The following SPECC1 variants were observed in gnomAD, a reference collection of about 807,000 sequenced individuals.
SPECC1 encodes the protein sperm antigen with calponin homology and coiled-coil domains 1.
Under a neutral mutation model 104.1 loss-of-function variants are expected in SPECC1, and 62 were observed. That is an observed-to-expected ratio of 0.60 (90% confidence interval 0.49 to 0.74). The LOEUF is 0.74. Among genes scored for constraint, SPECC1 ranks in the 30% least tolerant of loss-of-function variants. The pLI, the probability that SPECC1 is intolerant of heterozygous loss-of-function variation, is 0.00. For missense variants in SPECC1, 1,306 were observed against 1,310.5 expected, an observed-to-expected ratio of 1.00 and a Z score of 0.05; for synonymous variants, 513 against 501.6, an observed-to-expected ratio of 1.02 and a Z score of -0.30.
intron 2 of SPECC1, among the ~76,000 whole-genome samples, chr17:20,098,492 CAG>C (rs1198037553): frequency 2.6e-5 from 4 of 152,320 alleles, no homozygotes; most frequent in Non-Finnish European, 4.4e-5. Flanking sequence ...CCCATTCACT[CAG>C]AGTGAAAAGC....
chr17:20,165,424 A>G (rs1489748584), intron 3 of SPECC1, among the ~76,000 whole-genome samples: 1 of 152,158 alleles, frequency 6.6e-6, no homozygotes, highest in Non-Finnish European at 1.5e-5. Context: ...TCCATGGTGT[A>G]TATGTACCAC....
At chr17:20,136,381 C>T (rs953176530) in intron 3 of SPECC1, among the ~76,000 whole-genome samples, 10 of 150,342 alleles carry the variant, frequency 6.7e-5, no homozygotes, top group South Asian at 2.1e-4. Flanking sequence ...GCCAAGATCA[C>T]GCCACTGCAC....
intron 4 of SPECC1, among the ~76,000 whole-genome samples, chr17:20,207,564 G>A (rs571877981): frequency 1.6e-4 from 25 of 152,240 alleles, no homozygotes; most frequent in Admixed American, 7.2e-4. Flanking sequence ...ATATCAGTGA[G>A]AAATAATTTG....
At chr17:20,139,146 G>C (rs1446505219) in intron 3 of SPECC1, among the ~76,000 whole-genome samples, 1 of 152,198 alleles carries the variant, frequency 6.6e-6, no homozygotes, top group Non-Finnish European at 1.5e-5. Context: ...TGAAGGGGCT[G>C]CTATTAAGGT....
intron 4 of SPECC1, among the ~76,000 whole-genome samples, chr17:20,206,473 T>C (rs750445416): frequency 3.3e-5 from 5 of 152,240 alleles, no homozygotes; most frequent in Non-Finnish European, 5.9e-5. Flanking sequence ...CCTGTACATG[T>C]TATTAACTTT....
At chr17:20,073,241 GGCAAGGT>G (rs1165268658) in intron 1 of SPECC1, among the ~76,000 whole-genome samples, 2 of 152,086 alleles carry the variant, frequency 1.3e-5, no homozygotes, top group African/African-American at 4.8e-5. Context: ...ACAGGGTCAT[GGCAAGGT>G]GGTGGGGCGT....
chr17:20,261,304 C>T (rs2040014684), intron 12 of SPECC1, among the ~76,000 whole-genome samples: 1 of 151,904 alleles, frequency 6.6e-6, no homozygotes, highest in South Asian at 2.1e-4. Context: ...AGATCGAGAC[C>T]ATCCTGGCTA....
At chr17:20,088,258 GAAA>G (rs1380752707) in intron 1 of SPECC1, among the ~76,000 whole-genome samples, 2 of 152,010 alleles carry the variant, frequency 1.3e-5, no homozygotes, top group Non-Finnish European at 2.9e-5. Flanking sequence ...TAATTTTAGT[GAAA>G]AAAAGTCACA....
At chr17:20,201,505 AAGTC>A (rs755082843) in intron 3 of SPECC1, among the ~76,000 whole-genome samples, 25 of 151,992 alleles carry the variant, frequency 1.6e-4, no homozygotes, top group African/African-American at 2.4e-4. Flanking sequence ...AAGAAAGAAA[AAGTC>A]AGCCTTAATT....
intron 3 of SPECC1, among the ~76,000 whole-genome samples, chr17:20,200,588 G>A (rs1190995480): frequency 6.6e-6 from 1 of 152,190 alleles, no homozygotes; most frequent in Non-Finnish European, 1.5e-5. Flanking sequence ...GTGTAAGGAA[G>A]CATGGCCAGT....
intron 1 of SPECC1, among the ~76,000 whole-genome samples, chr17:20,041,319 C>A (rs192520809): frequency 1.3e-5 from 2 of 151,802 alleles, no homozygotes; most frequent in Admixed American, 1.3e-4. Flanking sequence ...CTCGGCTCAC[C>A]GCAACCTCCA....
chr17:20,156,746 CGT>C (rs2032595221), intron 3 of SPECC1, among the ~76,000 whole-genome samples: 1 of 152,184 alleles, frequency 6.6e-6, no homozygotes, highest in Admixed American at 6.5e-5. Flanking sequence ...CTGGTTATCC[CGT>C]TTTTACTTCC....
chr17:20,091,449 A>G (rs1223151808), intron 1 of SPECC1, among the ~76,000 whole-genome samples: 2 of 152,144 alleles, frequency 1.3e-5, no homozygotes, highest in Non-Finnish European at 2.9e-5. Flanking sequence ...CTGACATTGT[A>G]GGCCAGATGC....
intron 12 of SPECC1, among the ~76,000 whole-genome samples, chr17:20,294,161 T>C (rs1156489266): frequency 1.3e-5 from 2 of 152,298 alleles, no homozygotes; most frequent in Middle Eastern, 3.4e-3. Context: ...TTTGTATTTT[T>C]AGTAGAGACG....
At chr17:20,311,993 G>C (rs2041946112) in intron 14 of SPECC1, among the ~76,000 whole-genome samples, 1 of 152,124 alleles carries the variant, frequency 6.6e-6, no homozygotes, top group Non-Finnish European at 1.5e-5. Context: ...TGTGTTCCTG[G>C]GATGAACCTC....
intron 1 of SPECC1, among the ~76,000 whole-genome samples, chr17:20,023,713 G>T (rs1597578691): frequency 6.6e-6 from 1 of 152,100 alleles, no homozygotes; most frequent in East Asian, 1.9e-4. Flanking sequence ...TGACAAGAAA[G>T]ACTCTGAATA....
intron 2 of SPECC1, among the ~76,000 whole-genome samples, chr17:20,102,882 T>C (rs537715135): frequency 7.2e-5 from 11 of 152,362 alleles, no homozygotes; most frequent in African/African-American, 2.2e-4. Context: ...AGTTGGTGTC[T>C]GTTCAATGCA....
rs144948118 is a variant in SPECC1, at chr17:20,219,265, G to A, written c.1864-8148G>A. On this transcript the variant is annotated intron_variant, in intron 4 of 14. Transcript: ENST00000395527. ...AGTGGCTGTACTAATTTACTTTCCC[G>A]CCAACAGTGTACAAGGGTCTGCTTT... 1.8e-3 allele frequency among the ~76,000 whole-genome samples: 269 copies of A among 152,108 alleles called. 2 individuals are homozygous for A. Among genetic ancestry groups the A allele is most frequent in the African/African-American group, 5.8e-3 (242 of 41,484 alleles).
At position 20,247,240 on chromosome 17, in the gene SPECC1, C is replaced by T; in HGVS notation, c.2519C>T (p.Ser840Phe). 2 of 1,613,440 alleles carry T rather than the reference C, an allele frequency of 1.2e-6. No individual in the cohort carries two copies. The highest frequency in any genetic ancestry group is 1.1e-5 in the South Asian group (1 of 90,816). Residue 840 changes from serine (S) to phenylalanine (F), a missense_variant, in exon 9 of 15, where the codon TCT (serine) becomes TTT (phenylalanine). By Grantham distance (155) the Ser-to-Phe change is radical. This residue lies in a region of SPECC1 where 1,177 missense variants were observed against 1,139.9 expected (regional missense o/e 1.03). Coordinates refer to ENST00000395527, the MANE Select transcript of SPECC1 (RefSeq NM_001243439.2). ...GRPGGAGQNI[S>F]VHKTPRSPLS... Reference sequence around the variant, plus strand: ...GCAGGTGGAGCTGGACAGAATATTTCTGTCCATAAGACCCCCAGAAGTCCC... The same window carrying T: ...GCAGGTGGAGCTGGACAGAATATTTTTGTCCATAAGACCCCCAGAAGTCCC...
Sources: gnomAD v4.1 joint callset for allele counts (sites outside exome capture counted in the v4.1 genomes callset) on GRCh38, gnomAD v4.1.1 for gene constraint, gnomAD v4.1.1 regional missense constraint, MANE v1.5 for transcripts, NCBI Gene and HGNC (gene_info 2026-07-23, HGNC 2026-07-21) for gene names.